Variants in SCN10A observed in about 807,000 individuals in gnomAD.
SCN10A encodes the protein sodium channel protein type 10 subunit alpha.
A neutral mutation model predicts 170.7 loss-of-function variants in SCN10A; 162 were observed. The ratio of observed to expected loss-of-function variants is 0.95; its 90% CI spans 0.84 to 1.08. The LOEUF is 1.08. SCN10A is among the 50% of genes least tolerant of loss of function. The probability of loss-of-function intolerance (pLI) is 0.00; values close to 1 mark genes in which losing one functional copy is unlikely to be tolerated. For missense variants in SCN10A, 2,527 were observed against 2,436.9 expected, an observed-to-expected ratio of 1.04 and a Z score of -0.78; for synonymous variants, 985 against 904.6, an observed-to-expected ratio of 1.09 and a Z score of -1.59.
intron 3 of SCN10A, among the ~76,000 whole-genome samples, chr3:38,790,788 G>A (rs1170593496): frequency 6.6e-6 from 1 of 152,002 alleles, no homozygotes; most frequent in African/African-American, 2.4e-5. Context: ...AAATGGGGAT[G>A]GTAATCTCTA....
intron 1 of SCN10A, among the ~76,000 whole-genome samples, chr3:38,807,806 C>T (rs1403584256): frequency 6.6e-6 from 1 of 152,122 alleles, no homozygotes; most frequent in East Asian, 1.9e-4. Context: ...ATCAAGCACG[C>T]AGTTGCTCAC....
intron 11 of SCN10A, 59 bp from the exon 12 acceptor site, chr3:38,752,571 GC>G: frequency 7.2e-7 from 1 of 1,392,950 alleles, no homozygotes; most frequent in Non-Finnish European, 9.6e-7. Flanking sequence ...GAAATCTAGA[GC>G]CCAACACTTC....
rs767025015 is a variant in SCN10A, at chr3:38,698,363, G to T, written c.4857C>A (p.Phe1619Leu). Residue 1619 changes from phenylalanine to leucine, a missense_variant, in exon 28 of 28, where the codon TTC becomes TTA. Coordinates refer to ENST00000449082, the MANE Select transcript of SCN10A (RefSeq NM_006514.4). ...TGGACATACCGAAGATAGAGTAGAT[G>T]AACATGACAAGGAATAGCAACAGCC... ...NIGLLLFLVMFIYSIFGMSSF... is the reference protein window; with the variant it reads ...NIGLLLFLVMLIYSIFGMSSF... 62 of 1,614,070 alleles carry T rather than the reference G, an allele frequency of 3.8e-5. No individual in the cohort carries two copies. The highest frequency in any genetic ancestry group is 5.1e-5 in the Non-Finnish European group (60 of 1,180,044).
intron 3 of SCN10A, among the ~76,000 whole-genome samples, chr3:38,789,579 G>A (rs1048168264): frequency 8.5e-5 from 13 of 152,098 alleles, no homozygotes; most frequent in African/African-American, 3.1e-4. Flanking sequence ...GATTGTTTGG[G>A]TAACTTAGTT....
chr3:38,698,236 C>T lies in SCN10A; in HGVS notation c.4984G>A (p.Gly1662Ser), dbSNP rs151090729. The T allele has an allele frequency of 1.2e-3, 1,912 of 1,614,094 alleles. 15 individuals carry two copies. Among genetic ancestry groups the T allele is most frequent in the South Asian group, 7.5e-3 (686 of 91,068 alleles). Residue 1662 changes from glycine to serine, a missense_variant, in exon 28 of 28, where the codon GGC (glycine) becomes AGC (serine). By Grantham distance (56) the Gly-to-Ser change is moderately conservative (BLOSUM62 0). Transcript: ENST00000449082. ...ATGGGGCTGAGGAGGCCATCCCAGC[C>T]GGCCGACGTGGTAATCTGGAAGAGG... ...LCLFQITTSA[G>S]WDGLLSPILN... is the part of the protein sequence containing the mutation.
At chr3:38,762,008 G>A (rs2063880199) in intron 6 of SCN10A, among the ~76,000 whole-genome samples, 1 of 152,174 alleles carries the variant, frequency 6.6e-6, no homozygotes, top group African/African-American at 2.4e-5. Flanking sequence ...AGTCACTGGG[G>A]CATAAATAGA....
chr3:38,716,348 G>T (rs1028710890), intron 21 of SCN10A, among the ~76,000 whole-genome samples: 1 of 152,106 alleles, frequency 6.6e-6, no homozygotes, highest in Admixed American at 6.6e-5. Context: ...ATGGGAGCAG[G>T]TCTTTCCCAT....
Position 38,712,211 on chromosome 3 carries a change from T to C in SCN10A, c.4039A>G (p.Lys1347Glu). The C allele has an allele frequency of 6.2e-7, 1 of 1,614,232 alleles. No individual in the cohort carries two copies. The highest frequency in any genetic ancestry group is 8.5e-7 in the Non-Finnish European group (1 of 1,180,036). The part of the protein sequence containing the change: ...STGSFFWVNV[K>E]VNFDNVAMGY... The stretch of plus-strand genomic sequence containing the variant: ...ATTGCAACATTATCAAAGTTGACTT[T>C]CACATTGACCCAGAAGAAGCTGCCA... Residue 1347 changes from lysine to glutamate, a missense_variant, in exon 23 of 28, where the codon AAA becomes GAA. Physicochemically the swap from Lys to Glu is moderately conservative, Grantham distance 56. Coordinates refer to ENST00000449082, the MANE Select transcript of SCN10A (RefSeq NM_006514.4).
chr3:38,736,974 T>TTTTG (rs2063570260), intron 15 of SCN10A, among the ~76,000 whole-genome samples: 2 of 95,338 alleles, frequency 2.1e-5, no homozygotes, highest in Admixed American at 9.8e-5. Context: ...TTTTTTTTTT[T>TTTTG]TTTTTTTTTT....
chr3:38,805,690 C>T lies in SCN10A; in HGVS notation c.-33+10347G>A, dbSNP rs148661945. Among the ~76,000 whole-genome samples the T allele has an allele frequency of 2.0e-3, 309 of 152,234 alleles. 13 individuals carry two copies. In the South Asian group the frequency reaches 0.052, roughly 25 times the overall value. ...AAGTGTGATAAGCTGTTTGTGGTGA[C>T]GAAAGTGAGACCAGACCTCACTCTA... On this transcript the variant is annotated intron_variant, in intron 1 of 27. Coordinates refer to ENST00000449082, the MANE Select transcript of SCN10A (RefSeq NM_006514.4).
rs762099447 is a variant in SCN10A at position 38,701,820 on chromosome 3, C to T, written c.4657+19G>A. On this transcript the variant is annotated intron_variant, in intron 27 of 27. Transcript: ENST00000449082. ...CCAAACAGAGGTGGGGCTTCCCCAC[C>T]ACGTGGCTGCCCACTTACTCGCAAT... The T allele has an allele frequency of 1.9e-6, 3 of 1,582,070 alleles. No individual in the cohort carries two copies. Among genetic ancestry groups the T allele is most frequent in the Non-Finnish European group, 2.6e-6 (3 of 1,162,440 alleles).
At chr3:38,789,604 C>T (rs958291282) in intron 3 of SCN10A, among the ~76,000 whole-genome samples, 9 of 151,914 alleles carry the variant, frequency 5.9e-5, no homozygotes, top group Non-Finnish European at 1.2e-4. Flanking sequence ...TCAGTTCCAC[C>T]GAGGAAATGG....
In SCN10A at chr3:38,788,955, C is replaced by T; in HGVS notation, c.470+1G>A. On this transcript the variant is annotated splice_donor_variant, in intron 4 of 27. Coordinates refer to ENST00000449082, the MANE Select transcript of SCN10A (RefSeq NM_006514.4). LOFTEE classifies it high-confidence loss of function. ...ACAATAATGATAGCAAATCTACTCA[C>T]TCAATTTTCTCTGGAAGGTCAGTTC... is the stretch of plus-strand genomic sequence containing the variant. 6.4e-7 allele frequency: 1 copy of T among 1,574,220 alleles called. No homozygotes were observed. Among genetic ancestry groups the T allele is most frequent in the Non-Finnish European group, 8.7e-7 (1 of 1,143,910 alleles).
At chr3:38,771,887 G>A (rs369341391) in intron 4 of SCN10A, among the ~76,000 whole-genome samples, 12 of 152,342 alleles carry the variant, frequency 7.9e-5, no homozygotes, top group East Asian at 5.8e-4. Flanking sequence ...ATGCTGCAGA[G>A]CCCCAGAACT....
chr3:38,774,081 A>G (rs1262377623), intron 4 of SCN10A, among the ~76,000 whole-genome samples: 1 of 152,194 alleles, frequency 6.6e-6, no homozygotes. Context: ...AAATAAAAGT[A>G]AAAGTCAAGT....
chr3:38,753,061 C>CA (rs2063766747), intron 11 of SCN10A, among the ~76,000 whole-genome samples: 1 of 152,222 alleles, frequency 6.6e-6, no homozygotes, highest in African/African-American at 2.4e-5. Flanking sequence ...CTGTACAGTG[C>CA]AATGAGTTTC....
intron 19 of SCN10A, 36 bp from the exon 20 acceptor site, chr3:38,722,448 A>G: frequency 6.2e-7 from 1 of 1,604,510 alleles, no homozygotes; most frequent in African/African-American, 1.3e-5. Flanking sequence ...GGTGATGGCC[A>G]GTGGGCAAAG....
At chr3:38,798,017 T>C in intron 1 of SCN10A, among the ~76,000 whole-genome samples, 1 of 152,214 alleles carries the variant, frequency 6.6e-6, no homozygotes. Flanking sequence ...AGCTCTGGAC[T>C]TGGGATCCCT....
chr3:38,771,463 G>T (rs1201143751), intron 4 of SCN10A, 56 bp from the exon 5 acceptor site: 16 of 1,588,250 alleles, frequency 1.0e-5, no homozygotes, highest in African/African-American at 1.3e-5. Flanking sequence ...TACTCAGGGG[G>T]TTCCTTCTTC....
Sources: gnomAD v4.1 joint callset for allele counts (sites outside exome capture counted in the v4.1 genomes callset) on GRCh38, gnomAD v4.1.1 for gene constraint, MANE v1.5 for transcripts, NCBI Gene and HGNC (gene_info 2026-07-23, HGNC 2026-07-21) for gene names.